Variants in CAMK1D observed in about 807,000 individuals in gnomAD.
CAMK1D encodes calcium/calmodulin dependent protein kinase ID, also known as calcium/calmodulin-dependent protein kinase type 1D.
CAMK1D carries 9 observed loss-of-function variants against 47.7 expected under a neutral mutation model. The ratio of observed to expected loss-of-function variants is 0.19; its 90% CI spans 0.11 to 0.33. The LOEUF (loss-of-function observed/expected upper bound fraction) is 0.33. Ranked by LOEUF, CAMK1D falls within the 10% of genes least tolerant of loss-of-function variation. The pLI, the probability that CAMK1D is intolerant of heterozygous loss-of-function variation, is 1.00. For synonymous variants in CAMK1D, 184 were observed against 184.9 expected (o/e 0.99, Z 0.04); for missense variants, 291 against 488.7 (o/e 0.60, Z 3.81).
chr10:12,569,153 C>A (rs1341762919), intron 2 of CAMK1D, among the ~76,000 whole-genome samples: 1 of 152,178 alleles, frequency 6.6e-6, no homozygotes, highest in South Asian at 2.1e-4. Flanking sequence ...ATGTTTCAGA[C>A]TCCTGTATTC....
chr10:12,457,872 C>T (rs1248630972), intron 1 of CAMK1D, among the ~76,000 whole-genome samples: 1 of 150,118 alleles, frequency 6.7e-6, no homozygotes, highest in African/African-American at 2.5e-5. Context: ...GAAGGATAAA[C>T]AAGTTATAAT....
chr10:12,445,053 A>C (rs1052129506), intron 1 of CAMK1D, among the ~76,000 whole-genome samples: 1 of 152,246 alleles, frequency 6.6e-6, no homozygotes, highest in African/African-American at 2.4e-5. Flanking sequence ...AGGGCCTGCT[A>C]TCTGTCACAT....
chr10:12,786,998 A>G (rs1326248708), intron 5 of CAMK1D, among the ~76,000 whole-genome samples: 2 of 152,132 alleles, frequency 1.3e-5, no homozygotes, highest in African/African-American at 4.8e-5. Context: ...TGGCGCACAT[A>G]TGTAATCCCA....
chr10:12,625,133 T>G (rs1359155687), intron 2 of CAMK1D, among the ~76,000 whole-genome samples: 1 of 151,820 alleles, frequency 6.6e-6, no homozygotes, highest in Non-Finnish European at 1.5e-5. Context: ...GGTGAGGAGT[T>G]CGAGACCAGC....
intron 2 of CAMK1D, among the ~76,000 whole-genome samples, chr10:12,618,730 ACTCTT>A (rs1255874157): frequency 6.6e-6 from 1 of 152,104 alleles, no homozygotes; most frequent in African/African-American, 2.4e-5. Context: ...AAAAAAAGAG[ACTCTT>A]CTCAAGAAGT....
At chr10:12,545,106 C>T (rs61848311) in intron 1 of CAMK1D, among the ~76,000 whole-genome samples, 122,128 of 151,948 alleles carry the variant, frequency 0.8, 49,242 homozygotes, top group Admixed American at 0.85. Flanking sequence ...TGTTCTCATA[C>T]AGGAAGCATG....
chr10:12,761,138 A>G, intron 4 of CAMK1D, 52 bp downstream of exon 4: 1 of 1,593,182 alleles, frequency 6.3e-7, no homozygotes, highest in Non-Finnish European at 8.6e-7. Flanking sequence ...CCCGCAATGC[A>G]CGCGACCAAG....
chr10:12,401,918 C>G (rs939052095), intron 1 of CAMK1D, among the ~76,000 whole-genome samples: 2 of 131,122 alleles, frequency 1.5e-5, no homozygotes, highest in African/African-American at 5.3e-5. Context: ...TATATATGGA[C>G]AGAATCTTGC....
At chr10:12,424,321 A>T (rs540814457) in intron 1 of CAMK1D, among the ~76,000 whole-genome samples, 1 of 152,052 alleles carries the variant, frequency 6.6e-6, no homozygotes, top group East Asian at 1.9e-4. Context: ...TTGTCACCCA[A>T]GATGGACGTC....
chr10:12,539,591 A>G (rs1005415592), intron 1 of CAMK1D, among the ~76,000 whole-genome samples: 1 of 152,252 alleles, frequency 6.6e-6, no homozygotes, highest in Non-Finnish European at 1.5e-5. Flanking sequence ...AGCATCTGCT[A>G]GGTCTGGTTC....
intron 1 of CAMK1D, among the ~76,000 whole-genome samples, chr10:12,427,698 C>CTGTTTTTTT (rs1840282580): frequency 1.1e-3 from 30 of 27,374 alleles, no homozygotes; most frequent in African/African-American, 3.3e-3. Context: ...ACTGAACTTA[C>CTGTTTTTTT]TGTTTTTTTT....
At chr10:12,576,755 C>T (rs74119207) in intron 2 of CAMK1D, among the ~76,000 whole-genome samples, 5,156 of 152,328 alleles carry the variant, frequency 0.034, 302 homozygotes, top group African/African-American at 0.12. Context: ...ACTCACCTTC[C>T]TGGTGTGCGG....
chr10:12,768,706 G>GAA (rs1221335459), intron 4 of CAMK1D, among the ~76,000 whole-genome samples: 12 of 133,640 alleles, frequency 9.0e-5, no homozygotes, highest in African/African-American at 1.1e-4. Context: ...CAGCTCTTCA[G>GAA]AAAAAAAAAA....
intron 5 of CAMK1D, among the ~76,000 whole-genome samples, chr10:12,785,040 G>T (rs76702211): frequency 6.6e-6 from 1 of 152,098 alleles, no homozygotes; most frequent in African/African-American, 2.4e-5. Context: ...GAACCCAACC[G>T]TTGTGCCCAA....
intron 1 of CAMK1D, among the ~76,000 whole-genome samples, chr10:12,479,416 G>A (rs1012033575): frequency 9.9e-5 from 15 of 152,038 alleles, no homozygotes; most frequent in Admixed American, 2.0e-4. Flanking sequence ...GGCTGGTCTC[G>A]AACTCCTGAC....
At chr10:12,397,534 A>G (rs193156892) in intron 1 of CAMK1D, among the ~76,000 whole-genome samples, 1 of 152,274 alleles carries the variant, frequency 6.6e-6, no homozygotes, top group East Asian at 1.9e-4. Context: ...TGCATTGAAA[A>G]TGTTGGTTAC....
At position 12,834,508 on chromosome 10, in the gene CAMK1D, A is replaced by G. The variant is rs1379470654; in HGVS notation, c.*5621A>G. 1 of 152,082 alleles carries G rather than the reference A, an allele frequency of 6.6e-6. No homozygotes were observed. The highest frequency in any genetic ancestry group is 1.5e-5 in the Non-Finnish European group (1 of 68,010). The allele number at this position is 152,082 out of a possible 1,614,324, so 9.4% of individuals were successfully genotyped here. On this transcript the variant is annotated 3_prime_UTR_variant, in exon 11 of 11. Transcript: ENST00000619168. ...TTTTGTGGACAAAGCAAACTGTGGAATGGCTTCTCGGTGTCTGTATAAAGG... is the reference window on the plus strand; with the variant it reads ...TTTTGTGGACAAAGCAAACTGTGGAGTGGCTTCTCGGTGTCTGTATAAAGG...
At chr10:12,431,966 G>T (rs1832491391) in intron 1 of CAMK1D, among the ~76,000 whole-genome samples, 1 of 152,240 alleles carries the variant, frequency 6.6e-6, no homozygotes, top group African/African-American at 2.4e-5. Context: ...CATCCCTGGG[G>T]AGAGGCAATC....
chr10:12,450,914 A>G (rs1443500683), intron 1 of CAMK1D, among the ~76,000 whole-genome samples: 1 of 152,176 alleles, frequency 6.6e-6, no homozygotes, highest in African/African-American at 2.4e-5. Context: ...CTGGCCCCAG[A>G]GGTTATGAGC....
Sources: allele counts gnomAD v4.1 joint callset (sites outside exome capture counted in the v4.1 genomes callset), GRCh38; gene constraint gnomAD v4.1.1; transcripts MANE v1.5; gene names NCBI Gene and HGNC (gene_info 2026-07-23, HGNC 2026-07-21).